The following ALK variants were observed in gnomAD, a reference collection of about 807,000 sequenced individuals.
ALK encodes the protein ALK receptor tyrosine kinase, also known as ALK tyrosine kinase receptor.
Under a neutral mutation model 163.1 loss-of-function variants are expected in ALK, and 74 were observed. The observed-to-expected ratio is 0.45, with a 90% CI of 0.38 to 0.55. The LOEUF (loss-of-function observed/expected upper bound fraction) is 0.55. Among genes scored for constraint, ALK ranks in the 20% least tolerant of loss-of-function variants. The pLI is 0.00. For synonymous variants in ALK, 960 were observed against 843.2 expected, an observed-to-expected ratio of 1.14 and a Z score of -2.40; for missense variants, 2,063 against 2,105.3, an observed-to-expected ratio of 0.98 and a Z score of 0.39.
At chr2:29,785,506 C>G (rs1288925537) in intron 1 of ALK, among the ~76,000 whole-genome samples, 3 of 152,192 alleles carry the variant, frequency 2.0e-5, no homozygotes, top group South Asian at 2.1e-4. Flanking sequence ...CCAAATACAT[C>G]TGAAAGATGA....
Position 29,248,160 on chromosome 2 carries a change from G to A in ALK, c.2204+2945C>T, listed in dbSNP as rs1040777505. On this transcript the variant is annotated intron_variant, in intron 12 of 28. Transcript: ENST00000389048. ...GAATATCTGTTAGAGCCTTTATTTGGTTAAAATATAAGTATTCAAAAACAA... is the reference window on the plus strand; with the variant it reads ...GAATATCTGTTAGAGCCTTTATTTGATTAAAATATAAGTATTCAAAAACAA... 6.6e-5 allele frequency among the ~76,000 whole-genome samples: 10 copies of A among 152,072 alleles called. 1 individual carries two copies. The South Asian group carries it at 1.2e-3, about 19-fold the overall frequency.
rs758556216 is a variant in ALK at position 29,193,335 on chromosome 2, G to A, written c.4752C>T (p.Tyr1584=). 1.5e-5 allele frequency: 24 copies of A among 1,614,078 alleles called. No homozygotes were observed. The highest frequency in any genetic ancestry group is 1.6e-4 in the Middle Eastern group (1 of 6,084). The part of the protein sequence containing the change: ...LRHFPCGNVN[Y]GYQQQGLPLE... The stretch of plus-strand genomic sequence containing the variant: ...AGGGCAAGCCCTGTTGCTGGTAGCC[G>A]TAATTGACATTCCCACAAGGGAAGT... The change falls in exon 29 of 29, where the codon TAC becomes TAT. Residue 1584 remains tyrosine (Y), a synonymous_variant. Coordinates refer to ENST00000389048, the MANE Select transcript of ALK (RefSeq NM_004304.5).
At chr2:29,859,659 T>C (rs1035728456) in intron 1 of ALK, among the ~76,000 whole-genome samples, 2 of 151,726 alleles carry the variant, frequency 1.3e-5, no homozygotes, top group Non-Finnish European at 2.9e-5. Context: ...GTGATTGGAA[T>C]TGGAGGGGAA....
At chr2:29,763,003 C>T (rs1174758533) in intron 1 of ALK, among the ~76,000 whole-genome samples, 2 of 150,478 alleles carry the variant, frequency 1.3e-5, no homozygotes, top group Non-Finnish European at 2.9e-5. Flanking sequence ...AGGAGAATCG[C>T]TTGAACCAGG....
chr2:29,654,560 C>G (rs894342460), intron 3 of ALK, among the ~76,000 whole-genome samples: 1 of 152,054 alleles, frequency 6.6e-6, no homozygotes, highest in African/African-American at 2.4e-5. Flanking sequence ...CTGGAGATCA[C>G]CCTTTGAGGT....
intron 3 of ALK, among the ~76,000 whole-genome samples, chr2:29,633,881 T>C (rs1314968606): frequency 6.6e-6 from 1 of 152,150 alleles, no homozygotes; most frequent in East Asian, 1.9e-4. Context: ...AATAGGTAAT[T>C]TGAACAGCCC....
chr2:29,616,505 A>C (rs1200756654), intron 3 of ALK, among the ~76,000 whole-genome samples: 3 of 152,178 alleles, frequency 2.0e-5, no homozygotes, highest in African/African-American at 7.2e-5. Flanking sequence ...AATCTGAGAG[A>C]CCAAAACAGA....
chr2:29,413,119 C>T (rs984720956), intron 4 of ALK, among the ~76,000 whole-genome samples: 5 of 152,260 alleles, frequency 3.3e-5, no homozygotes, highest in Non-Finnish European at 4.4e-5. Flanking sequence ...TTACTGGCAA[C>T]ATCAGCAGTG....
chr2:29,713,850 T>A (rs372948228), intron 2 of ALK, among the ~76,000 whole-genome samples: 5,822 of 151,842 alleles, frequency 0.038, 272 homozygotes, highest in African/African-American at 0.11. Context: ...GTTTTTTTTT[T>A]TTAAATAAAT....
At chr2:29,684,336 A>G (rs543808941) in intron 3 of ALK, among the ~76,000 whole-genome samples, 2 of 152,326 alleles carry the variant, frequency 1.3e-5, no homozygotes, top group African/African-American at 2.4e-5. Flanking sequence ...CAATTCACCA[A>G]TTTAGAGACT....
chr2:29,580,427 G>A (rs539052655), intron 3 of ALK, among the ~76,000 whole-genome samples: 15 of 152,172 alleles, frequency 9.9e-5, no homozygotes, highest in East Asian at 3.9e-4. Context: ...CAAGGCCACC[G>A]CTGGCATCTG....
At chr2:29,275,597 T>C in intron 9 of ALK, 101 bp from the exon 10 acceptor site, 1 of 1,274,678 alleles carries the variant, frequency 7.8e-7, no homozygotes, top group Non-Finnish European at 1.1e-6. Flanking sequence ...GCTCAGAATG[T>C]GAGTTTGAAA....
At chr2:29,281,457 T>G (rs1665717450) in intron 9 of ALK, among the ~76,000 whole-genome samples, 2 of 152,232 alleles carry the variant, frequency 1.3e-5, no homozygotes, top group Admixed American at 1.3e-4. Context: ...TCTTTCCCAG[T>G]GCTTAGCAGC....
intron 1 of ALK, among the ~76,000 whole-genome samples, chr2:29,788,442 C>G (rs1417540144): frequency 6.6e-6 from 1 of 152,216 alleles, no homozygotes; most frequent in African/African-American, 2.4e-5. Flanking sequence ...TGCTTTCTTT[C>G]CCTTTCCATT....
In ALK at chr2:29,328,753, C is replaced by A. The variant is rs1470055756; in HGVS notation, c.1283-272G>T. ...GGTGAGCAGCAGAGTGGTCCATGTT[C>A]CCTCCATGACATTCCTCCTCGGGGG... On this transcript the variant is annotated intron_variant, in intron 5 of 28. Coordinates refer to ENST00000389048, the MANE Select transcript of ALK (RefSeq NM_004304.5). 2.6e-5 allele frequency among the ~76,000 whole-genome samples: 4 copies of A among 152,300 alleles called. No homozygotes were observed. In the South Asian group the frequency reaches 8.3e-4, roughly 32 times the overall value.
chr2:29,305,803 A>C (rs1256954198), intron 8 of ALK, among the ~76,000 whole-genome samples: 1 of 151,446 alleles, frequency 6.6e-6, no homozygotes, highest in Non-Finnish European at 1.5e-5. Context: ...TTTCAGGATG[A>C]TTCAAGCACA....
intron 3 of ALK, among the ~76,000 whole-genome samples, chr2:29,576,858 C>T (rs1379846681): frequency 3.3e-5 from 5 of 151,742 alleles, no homozygotes; most frequent in African/African-American, 1.2e-4. Context: ...TCACTGTCTC[C>T]CACCACCCCC....
chr2:29,590,156 A>G (rs1675006694), intron 3 of ALK, among the ~76,000 whole-genome samples: 1 of 152,244 alleles, frequency 6.6e-6, no homozygotes, highest in South Asian at 2.1e-4. Context: ...ATTCTTCCAG[A>G]GGCACACTAA....
intron 4 of ALK, among the ~76,000 whole-genome samples, chr2:29,453,272 C>T (rs1185106515): frequency 6.6e-6 from 1 of 152,160 alleles, no homozygotes; most frequent in Non-Finnish European, 1.5e-5. Context: ...CAGTCTGTTG[C>T]CCAGGGTAGA....
Sources: allele counts gnomAD v4.1 joint callset (sites outside exome capture counted in the v4.1 genomes callset), GRCh38; gene constraint gnomAD v4.1.1; transcripts MANE v1.5; gene names NCBI Gene and HGNC (gene_info 2026-07-23, HGNC 2026-07-21).